The following SEMA3E variants were observed in gnomAD, a reference collection of about 807,000 sequenced individuals.
SEMA3E encodes the protein semaphorin 3E.
SEMA3E carries 49 observed loss-of-function variants against 93.6 expected under a neutral mutation model. The observed-to-expected ratio is 0.52, with a 90% CI of 0.42 to 0.66. The LOEUF (loss-of-function observed/expected upper bound fraction) is 0.66, where lower values mean the gene tolerates loss of function less well. SEMA3E is among the 30% of genes least tolerant of loss of function. The probability of loss-of-function intolerance (pLI) is 0.00; values close to 1 mark genes in which losing one functional copy is unlikely to be tolerated. For synonymous variants in SEMA3E, 363 were observed against 330.7 expected, an observed-to-expected ratio of 1.10 and a Z score of -1.06; for missense variants, 906 against 964.8, an observed-to-expected ratio of 0.94 and a Z score of 0.81.
intron 1 of SEMA3E, among the ~76,000 whole-genome samples, chr7:83,626,034 C>G (rs1562860808): frequency 1.3e-5 from 2 of 152,080 alleles, no homozygotes; most frequent in East Asian, 3.9e-4. Context: ...GTTGAACCAG[C>G]CTTGCATCCC....
chr7:83,419,652 G>C (rs936644264), intron 4 of SEMA3E, among the ~76,000 whole-genome samples: 4 of 151,864 alleles, frequency 2.6e-5, no homozygotes, highest in African/African-American at 9.7e-5. Context: ...ACCTCATTGT[G>C]GTTTTGATTT....
At chr7:83,643,903 T>C (rs987891053) in intron 1 of SEMA3E, among the ~76,000 whole-genome samples, 3 of 152,014 alleles carry the variant, frequency 2.0e-5, no homozygotes, top group African/African-American at 7.2e-5. Context: ...AGTTTTTATT[T>C]ATTAACACCC....
chr7:83,609,424 G>A (rs1793198319), intron 1 of SEMA3E, among the ~76,000 whole-genome samples: 1 of 151,916 alleles, frequency 6.6e-6, no homozygotes, highest in African/African-American at 2.4e-5. Flanking sequence ...GAGTTGGCTA[G>A]CATCTAAATT....
chr7:83,632,544 T>A (rs1216524960), intron 1 of SEMA3E, among the ~76,000 whole-genome samples: 3 of 152,156 alleles, frequency 2.0e-5, no homozygotes, highest in African/African-American at 7.2e-5. Flanking sequence ...CCTGCTGTCA[T>A]CCATGTAAGA....
chr7:83,638,753 C>A (rs971429025), intron 1 of SEMA3E, among the ~76,000 whole-genome samples: 2 of 152,042 alleles, frequency 1.3e-5, no homozygotes, highest in African/African-American at 4.8e-5. Context: ...CATCCTTCCA[C>A]ACACACAGCC....
rs1389864678 is a variant in SEMA3E at position 83,570,477 on chromosome 7, CA to C, written c.115+77950del. 1.4e-3 allele frequency among the ~76,000 whole-genome samples: 174 copies of C among 128,078 alleles called. 1 individual carries two copies. Among genetic ancestry groups the C allele is most frequent in the Non-Finnish European group, 2.0e-3 (127 of 63,834 alleles). 84.0% of individuals were successfully genotyped at this position (128,078 alleles called of 152,430 possible). A position where few individuals can be genotyped will look rare whatever the true frequency, so the allele number is the denominator to read the frequency against. On this transcript the variant is annotated intron_variant, in intron 1 of 16. Transcript: ENST00000643230. ...CTGAGGCAGGAGAATGGCGTGAACC[CA>C]GGAGGCGGAGCTTGCAGTGAGCCGA... is the stretch of plus-strand genomic sequence containing the variant.
At chr7:83,638,140 C>A (rs935289558) in intron 1 of SEMA3E, among the ~76,000 whole-genome samples, 5 of 152,142 alleles carry the variant, frequency 3.3e-5, no homozygotes, top group Admixed American at 2.0e-4. Flanking sequence ...ACATAGCATC[C>A]TGTGCACTCT....
At position 83,481,185 on chromosome 7, in the gene SEMA3E, G is replaced by A. The variant is rs544857592; in HGVS notation, c.276+8929C>T. ...GGGTTGAATCTATGGTCAATCAAGC[G>A]AAAAATGTCTACGAGGATGTTTTGT... is the stretch of plus-strand genomic sequence containing the variant. On this transcript the variant is annotated intron_variant, in intron 2 of 16. Coordinates refer to ENST00000643230, the MANE Select transcript of SEMA3E (RefSeq NM_012431.3). Among the ~76,000 whole-genome samples the A allele has an allele frequency of 4.6e-5, 7 of 151,986 alleles. No homozygotes were observed. The East Asian group carries it at 5.8e-4, about 13-fold the overall frequency.
chr7:83,527,764 G>A (rs549197984), intron 1 of SEMA3E, among the ~76,000 whole-genome samples: 130 of 90,026 alleles, frequency 1.4e-3, no homozygotes, highest in Non-Finnish European at 2.3e-3. Context: ...CAATATTTAC[G>A]TAGAATTTTT....
chr7:83,423,732 C>T (rs978691090), intron 4 of SEMA3E, among the ~76,000 whole-genome samples: 1 of 151,640 alleles, frequency 6.6e-6, no homozygotes, highest in African/African-American at 2.4e-5. Context: ...AGGATGGTCC[C>T]GATCTCCTGA....
At chr7:83,483,903 G>A (rs530326938) in intron 2 of SEMA3E, among the ~76,000 whole-genome samples, 2 of 152,246 alleles carry the variant, frequency 1.3e-5, no homozygotes, top group East Asian at 3.9e-4. Flanking sequence ...TACCGCTGTT[G>A]ACCATAGTCA....
chr7:83,389,095 C>A (rs1048192907), intron 14 of SEMA3E, among the ~76,000 whole-genome samples: 3 of 151,716 alleles, frequency 2.0e-5, no homozygotes, highest in Non-Finnish European at 4.4e-5. Flanking sequence ...AGATCTGCCA[C>A]ATGTATCATT....
In SEMA3E at chr7:83,402,695, C is replaced by T. The variant is rs1474117966; in HGVS notation, c.1080G>A (p.Lys360=). Residue 360 remains lysine, a synonymous_variant, in exon 10 of 17, where the codon AAG becomes AAA. Transcript: ENST00000643230. ...RAAFNGPYAH[K]EGPEYHWSVY... ...CTGACCAGTGGTATTCAGGTCCTTC[C>T]TTATGTGCATATGGTCCGTTGAAGG... 1 of 1,613,004 alleles carries T rather than the reference C, an allele frequency of 6.2e-7. No individual in the cohort carries two copies. Among genetic ancestry groups the T allele is most frequent in the East Asian group, 2.2e-5 (1 of 44,816 alleles).
At chr7:83,403,427 A>G (rs1416374529) in intron 9 of SEMA3E, among the ~76,000 whole-genome samples, 1 of 151,954 alleles carries the variant, frequency 6.6e-6, no homozygotes, top group Non-Finnish European at 1.5e-5. Context: ...GAAAGCAAAA[A>G]AATTTTCTTG....
chr7:83,452,735 G>T (rs907339916), intron 4 of SEMA3E, among the ~76,000 whole-genome samples: 1 of 152,128 alleles, frequency 6.6e-6, no homozygotes, highest in Non-Finnish European at 1.5e-5. Flanking sequence ...GACAGGAGAG[G>T]AAGGCCAGAA....
intron 1 of SEMA3E, among the ~76,000 whole-genome samples, chr7:83,585,632 C>G (rs1792611852): frequency 6.6e-6 from 1 of 152,182 alleles, no homozygotes; most frequent in Non-Finnish European, 1.5e-5. Flanking sequence ...AATTTATATA[C>G]ATTTCTCTTC....
At chr7:83,519,630 G>A (rs555140773) in intron 1 of SEMA3E, among the ~76,000 whole-genome samples, 1 of 152,154 alleles carries the variant, frequency 6.6e-6, no homozygotes, top group East Asian at 1.9e-4. Flanking sequence ...GCTGCTATGA[G>A]TATCATAGCT....
intron 4 of SEMA3E, among the ~76,000 whole-genome samples, chr7:83,465,378 A>G (rs1047978229): frequency 3.3e-5 from 5 of 152,158 alleles, no homozygotes; most frequent in African/African-American, 4.8e-5. Context: ...ACACGGATGC[A>G]CATGAAACTA....
intron 1 of SEMA3E, among the ~76,000 whole-genome samples, chr7:83,565,495 C>T (rs1322062824): frequency 6.6e-6 from 1 of 152,052 alleles, no homozygotes; most frequent in Non-Finnish European, 1.5e-5. Flanking sequence ...ACATTCTGCA[C>T]ATATATCCTG....
Sources: allele counts gnomAD v4.1 joint callset (sites outside exome capture counted in the v4.1 genomes callset), GRCh38; gene constraint gnomAD v4.1.1; transcripts MANE v1.5; gene names NCBI Gene and HGNC (gene_info 2026-07-23, HGNC 2026-07-21).